The following THSD7A variants were observed in gnomAD, a reference collection of about 807,000 sequenced individuals.
THSD7A encodes thrombospondin type 1 domain containing 7A, also known as thrombospondin type-1 domain-containing protein 7A.
A neutral mutation model predicts 231.3 loss-of-function variants in THSD7A; 96 were observed. The ratio of observed to expected loss-of-function variants is 0.41; its 90% CI spans 0.35 to 0.49. The LOEUF (loss-of-function observed/expected upper bound fraction) is 0.49, where lower values mean the gene tolerates loss of function less well. THSD7A is among the 20% of genes least tolerant of loss of function. The pLI, the probability that THSD7A is intolerant of heterozygous loss-of-function variation, is 0.05. For missense variants in THSD7A, 2,290 were observed against 2,070.2 expected (o/e 1.11, Z -2.06); for synonymous variants, 940 against 743.3 (o/e 1.26, Z -4.30).
chr7:11,476,318 TACACACACACACACACACACAC>T (rs59127235), intron 7 of THSD7A, among the ~76,000 whole-genome samples: 4 of 137,300 alleles, frequency 2.9e-5, no homozygotes, highest in East Asian at 4.3e-4. Context: ...CTCTGGAAGA[TACACACACACACACACACACAC>T]ACACACACAC....
chr7:11,719,762 A>G lies in THSD7A; in HGVS notation c.191-82801T>C, dbSNP rs1257066123. ...AATCTCACTCGGTGATTTCCAATGC[A>G]CTAGTTCTTCCATATTAACAGGGCC... On this transcript the variant is annotated intron_variant, in intron 1 of 27. Coordinates refer to ENST00000423059, the MANE Select transcript of THSD7A (RefSeq NM_015204.3). Among the ~76,000 whole-genome samples, 4 of 151,722 alleles carry G rather than the reference A, an allele frequency of 2.6e-5. No homozygotes were observed. The East Asian group carries it at 7.8e-4, about 30-fold the overall frequency.
In THSD7A at chr7:11,484,419, G is replaced by C. The variant is rs1265520732; in HGVS notation, c.1823-2437C>G. On this transcript the variant is annotated intron_variant, in intron 6 of 27. Transcript: ENST00000423059. ...ACAGAATCCTGTTTTTCAACATTCA[G>C]GTTTCAGTTCAATTTTCTCCTTCCT... Among the ~76,000 whole-genome samples, 3 of 151,944 alleles carry C rather than the reference G, an allele frequency of 2.0e-5. No homozygotes were observed. In the East Asian group the frequency reaches 5.8e-4, roughly 29 times the overall value.
At chr7:11,719,983 T>C (rs542628982) in intron 1 of THSD7A, among the ~76,000 whole-genome samples, 1 of 151,938 alleles carries the variant, frequency 6.6e-6, no homozygotes, top group East Asian at 2.0e-4. Flanking sequence ...CAAAGATAAG[T>C]ATTGGTTTAT....
chr7:11,481,582 C>T (rs1367563903), intron 7 of THSD7A, among the ~76,000 whole-genome samples: 1 of 152,090 alleles, frequency 6.6e-6, no homozygotes, highest in East Asian at 1.9e-4. Context: ...TTTAAAAAGT[C>T]TTTCTCCTTT....
intron 6 of THSD7A, among the ~76,000 whole-genome samples, chr7:11,536,310 G>A (rs75103986): frequency 5.5e-4 from 84 of 152,194 alleles, no homozygotes; most frequent in Non-Finnish European, 9.7e-4. Context: ...ATTGGATTTC[G>A]TTTTGTAATG....
At chr7:11,695,233 G>A (rs111655998) in intron 1 of THSD7A, among the ~76,000 whole-genome samples, 11 of 151,396 alleles carry the variant, frequency 7.3e-5, no homozygotes, top group African/African-American at 2.7e-4. Context: ...GGACAGTATT[G>A]GCAAAAACAT....
Position 11,636,994 on chromosome 7 carries a change from C to T in THSD7A, c.191-33G>A. ...AATTATAACACAAAAATTAGCAGTG[C>T]TACTAGAAGAAAACTACAAGTTACT... On this transcript the variant is annotated intron_variant, in intron 1 of 27. Coordinates refer to ENST00000423059, the MANE Select transcript of THSD7A (RefSeq NM_015204.3). This position sits in a 1 kb window ranked among gnomAD's most constrained non-coding sequence, Gnocchi z 10.0. The T allele has an allele frequency of 6.4e-7, 1 of 1,561,926 alleles. No individual in the cohort carries two copies. The highest frequency in any genetic ancestry group is 8.6e-7 in the Non-Finnish European group (1 of 1,157,354).
chr7:11,663,213 T>TA (rs1268974791), intron 1 of THSD7A, among the ~76,000 whole-genome samples: 1 of 151,018 alleles, frequency 6.6e-6, no homozygotes, highest in Non-Finnish European at 1.5e-5. Flanking sequence ...TCTTCAGACA[T>TA]AAAAAAATAA....
At chr7:11,624,487 G>C (rs1448376543) in intron 2 of THSD7A, among the ~76,000 whole-genome samples, 3 of 152,060 alleles carry the variant, frequency 2.0e-5, no homozygotes, top group African/African-American at 7.2e-5. Flanking sequence ...CGACTTCTCA[G>C]ATTTTTTAAA....
intron 1 of THSD7A, among the ~76,000 whole-genome samples, chr7:11,667,603 T>C (rs749700763): frequency 4.6e-5 from 7 of 152,160 alleles, no homozygotes; most frequent in Non-Finnish European, 1.0e-4. Flanking sequence ...GCTTATAGAC[T>C]ATGACCACAT....
intron 11 of THSD7A, among the ~76,000 whole-genome samples, chr7:11,447,853 A>G (rs1390071461): frequency 6.6e-6 from 1 of 152,120 alleles, no homozygotes; most frequent in African/African-American, 2.4e-5. Context: ...ATTGTTTTAT[A>G]TCATTGGACA....
intron 17 of THSD7A, among the ~76,000 whole-genome samples, chr7:11,414,889 T>C (rs1783908590): frequency 6.6e-6 from 1 of 152,230 alleles, no homozygotes; most frequent in Non-Finnish European, 1.5e-5. Context: ...TAGCTGTATA[T>C]TCTCCCTACC....
chr7:11,475,369 C>G (rs1377520550), intron 7 of THSD7A, among the ~76,000 whole-genome samples: 1 of 151,900 alleles, frequency 6.6e-6, no homozygotes, highest in Non-Finnish European at 1.5e-5. Context: ...GGAGATTCTG[C>G]GGCAGCACAG....
At chr7:11,619,137 G>A (rs1781219738) in intron 2 of THSD7A, among the ~76,000 whole-genome samples, 1 of 151,854 alleles carries the variant, frequency 6.6e-6, no homozygotes, top group African/African-American at 2.4e-5. Context: ...AGAATTATCA[G>A]CAAATAAGAA....
intron 16 of THSD7A, among the ~76,000 whole-genome samples, chr7:11,420,728 A>C (rs1297754115): frequency 2.0e-5 from 3 of 152,176 alleles, no homozygotes; most frequent in Non-Finnish European, 4.4e-5. Flanking sequence ...GCACCTGGAA[A>C]AGCTATAGAC....
intron 6 of THSD7A, among the ~76,000 whole-genome samples, chr7:11,496,390 C>T (rs926017176): frequency 1.3e-5 from 2 of 152,020 alleles, no homozygotes; most frequent in African/African-American, 4.8e-5. Flanking sequence ...AGAAAATATG[C>T]GAGAGGTGAT....
intron 6 of THSD7A, among the ~76,000 whole-genome samples, chr7:11,482,778 C>G (rs754896466): frequency 3.3e-5 from 5 of 152,118 alleles, no homozygotes; most frequent in East Asian, 1.9e-4. Context: ...TCATTTTGCC[C>G]TTGACACTCT....
intron 1 of THSD7A, among the ~76,000 whole-genome samples, chr7:11,701,613 T>G (rs985292548): frequency 4.0e-5 from 6 of 151,116 alleles, no homozygotes; most frequent in Non-Finnish European, 8.9e-5. Flanking sequence ...AAATTTAGTG[T>G]TCAAATAAAT....
intron 1 of THSD7A, among the ~76,000 whole-genome samples, chr7:11,823,070 A>G (rs1784919985): frequency 6.6e-6 from 1 of 151,978 alleles, no homozygotes; most frequent in Non-Finnish European, 1.5e-5. Flanking sequence ...TTCTTCTAGT[A>G]TTCTTATAGT....
Sources: gnomAD v4.1 joint callset for allele counts (sites outside exome capture counted in the v4.1 genomes callset) on GRCh38, gnomAD v4.1.1 for gene constraint, Gnocchi (gnomAD v3.1) non-coding constraint, MANE v1.5 for transcripts, NCBI Gene and HGNC (gene_info 2026-07-23, HGNC 2026-07-21) for gene names.